Variants in ALDH7A1 observed in about 807,000 individuals in gnomAD.
The protein encoded by ALDH7A1 is aldehyde dehydrogenase 7 family member A1.
Under a neutral mutation model 79.9 loss-of-function variants are expected in ALDH7A1, and 63 were observed. The observed-to-expected ratio is 0.79, with a 90% CI of 0.64 to 0.97. The LOEUF (loss-of-function observed/expected upper bound fraction) is 0.97. ALDH7A1 is among the 50% of genes least tolerant of loss of function. The pLI is 0.00. For missense variants in ALDH7A1, 627 were observed against 665.2 expected (o/e 0.94, Z 0.63); for synonymous variants, 240 against 231.2 (o/e 1.04, Z -0.34).
At chr5:126,550,331 G>C (rs1021418158) in intron 14 of ALDH7A1, 38 bp from the exon 15 acceptor site, 4 of 1,481,334 alleles carry the variant, frequency 2.7e-6, no homozygotes, top group Non-Finnish European at 3.8e-6. Context: ...AGATGTTATA[G>C]TGTTCAAGTC....
At chr5:126,559,509 C>T (rs1177289359) in intron 10 of ALDH7A1, among the ~76,000 whole-genome samples, 175 bp from the exon 11 acceptor site, 4 of 146,656 alleles carry the variant, frequency 2.7e-5, no homozygotes, top group African/African-American at 1.0e-4. Context: ...GATCTCGGCT[C>T]ACTGCAACCT....
At chr5:126,593,171 C>G (rs1328623042) in intron 2 of ALDH7A1, among the ~76,000 whole-genome samples, 180 bp downstream of exon 2, 1 of 152,156 alleles carries the variant, frequency 6.6e-6, no homozygotes, top group Non-Finnish European at 1.5e-5. Context: ...CAGTCTCCCC[C>G]AGACAGTCCT....
chr5:126,547,007 A>G (rs1046090944), intron 16 of ALDH7A1, among the ~76,000 whole-genome samples: 1 of 152,246 alleles, frequency 6.6e-6, no homozygotes, highest in African/African-American at 2.4e-5. Flanking sequence ...CAAGCAAAGT[A>G]AAAAGAGACA....
chr5:126,558,749 C>G (rs1267894737), intron 11 of ALDH7A1, among the ~76,000 whole-genome samples: 1 of 152,048 alleles, frequency 6.6e-6, no homozygotes, highest in African/African-American at 2.4e-5. Flanking sequence ...TGGTCTCGAA[C>G]TACTGGGCTC....
chr5:126,581,278 C>T (rs1236649958), intron 5 of ALDH7A1: 1 of 152,118 alleles, frequency 6.6e-6, no homozygotes, highest in African/African-American at 2.4e-5. Context: ...AAATTATAGT[C>T]TCTTTATAAC....
At chr5:126,592,870 G>T in intron 2 of ALDH7A1, 141 bp from the exon 3 acceptor site, 1 of 843,156 alleles carries the variant, frequency 1.2e-6, no homozygotes, top group Non-Finnish European at 1.9e-6. Flanking sequence ...GATTCCCACA[G>T]TCTATACTTC....
intron 7 of ALDH7A1, among the ~76,000 whole-genome samples, chr5:126,574,040 A>AAG (rs1750876555): frequency 1.3e-5 from 2 of 151,246 alleles, no homozygotes; most frequent in African/African-American, 4.9e-5. Flanking sequence ...AAAAAAAAAA[A>AAG]AAAAAAGAAA....
chr5:126,555,973 T>C lies in ALDH7A1; in HGVS notation c.1051A>G (p.Lys351Glu), dbSNP rs763193538. 14 of 1,613,572 alleles carry C rather than the reference T, an allele frequency of 8.7e-6. No homozygotes were observed. In the South Asian group the frequency reaches 1.5e-4, roughly 18 times the overall value. ...ACTCGGATCTGTGCATAGGCCTTTT[T>C]AAGTCTGTTTACAACCTCATCATGG... The part of the protein sequence containing the change: ...SIHDEVVNRL[K>E]KAYAQIRVGN... Residue 351 changes from lysine (K) to glutamate (E), a missense_variant, in exon 12 of 18, where the codon AAA becomes GAA. Coordinates refer to ENST00000409134, the MANE Select transcript of ALDH7A1 (RefSeq NM_001182.5).
At chr5:126,582,254 A>ACC in intron 5 of ALDH7A1, 1 of 396,726 alleles carries the variant, frequency 2.5e-6, no homozygotes, top group Non-Finnish European at 4.4e-6. Flanking sequence ...TAATCCTTCA[A>ACC]CCTTTTATTG....
chr5:126,566,390 A>C (rs1462469717), intron 9 of ALDH7A1, among the ~76,000 whole-genome samples: 1 of 152,192 alleles, frequency 6.6e-6, no homozygotes, highest in Non-Finnish European at 1.5e-5. Flanking sequence ...GTTCATTGTT[A>C]ATGCATAGAA....
rs1156405675 is a variant in ALDH7A1 at position 126,546,252 on chromosome 5, C to T, written c.1565+72G>A. 15 of 1,330,464 alleles carry T rather than the reference C, an allele frequency of 1.1e-5. No individual in the cohort carries two copies. In the South Asian group the frequency reaches 1.8e-4, roughly 16 times the overall value. The allele number at this position is 1,330,464 out of a possible 1,614,324, so 82.4% of individuals were successfully genotyped here. A position where few individuals can be genotyped will look rare whatever the true frequency, so the allele number is the denominator to read the frequency against. ...TGACACTGCACAAAGACAGCACAGACAGTAGGAAAGTGTAAAAGCCCATTC... is the reference window on the plus strand; with the variant it reads ...TGACACTGCACAAAGACAGCACAGATAGTAGGAAAGTGTAAAAGCCCATTC... On this transcript the variant is annotated intron_variant, in intron 17 of 17. Transcript: ENST00000409134.
intron 1 of ALDH7A1, chr5:126,593,800 C>T (rs1253516638): frequency 1.3e-5 from 4 of 318,396 alleles, no homozygotes; most frequent in Non-Finnish European, 2.4e-5. Context: ...TGGAAAGTCC[C>T]GTGTCCACAC....
chr5:126,579,689 G>A (rs1751105983), intron 5 of ALDH7A1, among the ~76,000 whole-genome samples: 1 of 152,172 alleles, frequency 6.6e-6, no homozygotes, highest in Admixed American at 6.5e-5. Flanking sequence ...TAGGTGTGGT[G>A]GCTCATGCCT....
chr5:126,579,265 T>C (rs891807988), intron 5 of ALDH7A1, among the ~76,000 whole-genome samples: 8 of 152,224 alleles, frequency 5.3e-5, no homozygotes, highest in Non-Finnish European at 1.2e-4. Flanking sequence ...GGCTTCTTCC[T>C]TCTTTAAAAC....
chr5:126,563,352 A>G (rs556645172), intron 9 of ALDH7A1, among the ~76,000 whole-genome samples: 6 of 152,354 alleles, frequency 3.9e-5, no homozygotes, highest in Non-Finnish European at 8.8e-5. Flanking sequence ...ACTCCATAGC[A>G]TTCCATCATG....
chr5:126,558,923 G>C (rs1332377735), intron 11 of ALDH7A1, among the ~76,000 whole-genome samples: 1 of 152,154 alleles, frequency 6.6e-6, no homozygotes, highest in Non-Finnish European at 1.5e-5. Context: ...TTTTTATCTT[G>C]TTTTGTTCTC....
rs1561648828 is a variant in ALDH7A1 at position 126,550,185 on chromosome 5, C to T, written c.1415+11G>A. The T allele has an allele frequency of 2.5e-6, 4 of 1,610,848 alleles. No homozygotes were observed. The highest frequency in any genetic ancestry group is 3.4e-6 in the Non-Finnish European group (4 of 1,178,598). The stretch of plus-strand genomic sequence containing the variant: ...GACTTATATAAATTTTCAAAATAGA[C>T]AAAGTTGTACCCAAGCCAGCGAAAG... On this transcript the variant is annotated intron_variant, in intron 15 of 17. Coordinates refer to ENST00000409134, the MANE Select transcript of ALDH7A1 (RefSeq NM_001182.5).
In ALDH7A1 at chr5:126,568,249, C is replaced by T; in HGVS notation, c.871+10G>A. On this transcript the variant is annotated intron_variant, in intron 9 of 17. Coordinates refer to ENST00000409134, the MANE Select transcript of ALDH7A1 (RefSeq NM_001182.5). ...AGAATTAAAATCCTCATTAGAAAGC[C>T]AACACTTACCAAACCTCTCCTGCAC... is the stretch of plus-strand genomic sequence containing the variant. The T allele has an allele frequency of 6.2e-7, 1 of 1,613,684 alleles. No homozygotes were observed. The highest frequency in any genetic ancestry group is 8.5e-7 in the Non-Finnish European group (1 of 1,179,652).
chr5:126,571,150 ATT>A (rs386404930), intron 7 of ALDH7A1: 12,935 of 218,090 alleles, frequency 0.059, 8 homozygotes, highest in South Asian at 0.11. Context: ...CTATTAGCAG[ATT>A]TTTTTTTTTT....
Sources: gnomAD v4.1 joint callset for allele counts (sites outside exome capture counted in the v4.1 genomes callset) on GRCh38, gnomAD v4.1.1 for gene constraint, MANE v1.5 for transcripts, NCBI Gene and HGNC (gene_info 2026-07-23, HGNC 2026-07-21) for gene names.